MPRIP: variants seen among roughly 807,000 people sequenced by gnomAD.
MPRIP encodes the protein myosin phosphatase Rho interacting protein, also known as myosin phosphatase Rho-interacting protein.
A neutral mutation model predicts 234.9 loss-of-function variants in MPRIP; 59 were observed. The ratio of observed to expected loss-of-function variants is 0.25; its 90% CI spans 0.20 to 0.31. The LOEUF (loss-of-function observed/expected upper bound fraction) is 0.31, where lower values mean the gene tolerates loss of function less well. Ranked by LOEUF, MPRIP falls within the 10% of genes least tolerant of loss-of-function variation. The pLI is 1.00. For synonymous variants in MPRIP, 1,144 were observed against 1,263.9 expected, an observed-to-expected ratio of 0.91 and a Z score of 2.01; for missense variants, 2,436 against 3,071.0, an observed-to-expected ratio of 0.79 and a Z score of 4.89.
In MPRIP at chr17:17,167,594, G is replaced by T; in HGVS notation, c.6003G>T (p.Arg2001Ser). 1 of 1,304,268 alleles carries T rather than the reference G, an allele frequency of 7.7e-7. No individual in the cohort carries two copies. The highest frequency in any genetic ancestry group is 1.2e-5 in the South Asian group (1 of 81,026). The allele number at this position is 1,304,268 out of a possible 1,614,324, so 80.8% of individuals were successfully genotyped here. A position where few individuals can be genotyped will look rare whatever the true frequency, so the allele number is the denominator to read the frequency against. Residue 2001 changes from arginine (R) to serine (S), a missense_variant, in exon 16 of 24, where the codon AGG becomes AGT. Arg to Ser is a moderately radical substitution (Grantham distance 110, BLOSUM62 -1). Transcript: ENST00000651222. This position sits in a 1 kb window ranked among gnomAD's most constrained non-coding sequence, Gnocchi z 5.9. ...HGEQIQTLED[R>S]FQLKVRELQT... ...AGCAGATACAGACCCTGGAGGACAG[G>T]TTCCAGCTCAAGGTCCGGGAGCTGC...
rs1157063654 is a variant in MPRIP, at chr17:17,164,744, G to A, written c.3153G>A (p.Glu1051=). 7.7e-7 allele frequency: 1 copy of A among 1,303,086 alleles called. No homozygotes were observed. Among genetic ancestry groups the A allele is most frequent in the Admixed American group, 2.3e-5 (1 of 43,238 alleles). 80.7% of individuals were successfully genotyped at this position (1,303,086 alleles called of 1,614,324 possible). Residue 1051 remains glutamate (E), a synonymous_variant, in exon 16 of 24, where the codon GAG becomes GAA. Coordinates refer to ENST00000651222, the MANE Select transcript of MPRIP (RefSeq NM_001364716.4). ...TGGAAGACAAGGCCAGCGCCTATGA[G>A]GACCAGCTGCAGGGTCAGGCACAGC... ...KEVEDKASAY[E]DQLQGQAQQV...
In MPRIP at chr17:17,166,096, C is replaced by T. The variant is rs879246184; in HGVS notation, c.4505C>T (p.Ala1502Val). Residue 1502 changes from alanine (A) to valine (V), a missense_variant, in exon 16 of 24, where the codon GCA becomes GTA. Coordinates refer to ENST00000651222, the MANE Select transcript of MPRIP (RefSeq NM_001364716.4). The surrounding 1 kb of genome is among the most constrained non-coding windows in gnomAD (Gnocchi z 4.4). ...CAGGAGGATGAGCAGGACGCACGCG[C>T]AGCCTCCCTGGCCAGTGTGGAGAGT... ...ASQEDEQDAR[A>V]ASLASVESAL... 1.5e-6 allele frequency: 2 copies of T among 1,298,884 alleles called. No homozygotes were observed. Among genetic ancestry groups the T allele is most frequent in the Admixed American group, 4.6e-5 (2 of 43,230 alleles). 80.5% of individuals were successfully genotyped at this position (1,298,884 alleles called of 1,614,324 possible).
chr17:17,184,786 T>G, intron 23 of MPRIP, 37 bp from the exon 24 acceptor site: 2 of 1,517,290 alleles, frequency 1.3e-6, no homozygotes, highest in Non-Finnish European at 1.8e-6. Context: ...GGTCTAACGG[T>G]GTGTTTATTT....
chr17:17,043,513 C>T (rs2088247905), intron 1 of MPRIP, among the ~76,000 whole-genome samples: 1 of 152,162 alleles, frequency 6.6e-6, no homozygotes, highest in East Asian at 1.9e-4. Flanking sequence ...TAGCGGGGAG[C>T]TGGGACCAGT....
intron 1 of MPRIP, chr17:17,057,763 C>T: frequency 1.4e-6 from 1 of 712,238 alleles, no homozygotes. Context: ...CCCGCTGCCC[C>T]ATCCTACACC....
chr17:17,154,403 CGGATGT>C lies in MPRIP; in HGVS notation c.1819_1824del (p.Asp607_Val608del). The stretch of plus-strand genomic sequence containing the variant: ...AAGCACGTGCACCCGACCACTGCCC[CGGATGT>C]GACCAGGTAGGATGGTGAAGACACC... On this transcript the variant is annotated inframe_deletion, in exon 13 of 24. Coordinates refer to ENST00000651222, the MANE Select transcript of MPRIP (RefSeq NM_001364716.4). 1 of 1,614,064 alleles carries C rather than the reference CGGATGT, an allele frequency of 6.2e-7. No individual in the cohort carries two copies. Among genetic ancestry groups the C allele is most frequent in the Non-Finnish European group, 8.5e-7 (1 of 1,179,968 alleles).
chr17:17,139,060 G>A (rs1247766848), intron 7 of MPRIP, among the ~76,000 whole-genome samples: 1 of 152,242 alleles, frequency 6.6e-6, no homozygotes, highest in Admixed American at 6.5e-5. Flanking sequence ...TGGCTGGAGA[G>A]AGAGAAAGTT....
At position 17,158,703 on chromosome 17, in the gene MPRIP, C is replaced by T. The variant is rs779221231; in HGVS notation, c.2101C>T (p.Arg701Trp). Residue 701 changes from arginine (R) to tryptophan (W), a missense_variant, in exon 14 of 24, where the codon CGG becomes TGG. Physicochemically the swap from Arg to Trp is moderately radical, Grantham distance 101 (BLOSUM62 -3). Around this residue, in one of 4 missense-constraint regions of MPRIP, gnomAD observed 1,998 missense variants for 2,520.3 expected, o/e 0.79. Transcript: ENST00000651222. ...RPEAEPGELE[R>W]ERARRREERR... ...TGAGGCGGAGCCTGGGGAGCTGGAG[C>T]GGGAGCGTGCACGGAGGCGGGAGGA... The T allele has an allele frequency of 1.3e-5, 21 of 1,609,308 alleles. No homozygotes were observed. Among genetic ancestry groups the T allele is most frequent in the Non-Finnish European group, 1.8e-5 (21 of 1,179,332 alleles).
chr17:17,177,883 G>T (rs1343611909), intron 22 of MPRIP, among the ~76,000 whole-genome samples: 2 of 151,040 alleles, frequency 1.3e-5, no homozygotes, highest in African/African-American at 4.9e-5. Flanking sequence ...CAGGAAGGAT[G>T]AAAGAGTTAA....
chr17:17,105,342 C>T (rs2090042086), intron 3 of MPRIP, among the ~76,000 whole-genome samples: 1 of 152,208 alleles, frequency 6.6e-6, no homozygotes, highest in South Asian at 2.1e-4. Flanking sequence ...TCCTAAGAGT[C>T]CAGGGTTGCC....
At position 17,191,140 on chromosome 17, in the gene MPRIP, C is replaced by T. The variant is rs1215056861; in HGVS notation, c.*6246C>T. On this transcript the variant is annotated 3_prime_UTR_variant, in exon 24 of 24. Transcript: ENST00000651222. ...TACAATATCCAAAATAACGATAGCC[C>T]TGTATCCATACATTGTTTCATTGAA... The T allele has an allele frequency of 1.3e-5, 2 of 152,194 alleles. No homozygotes were observed. Among genetic ancestry groups the T allele is most frequent in the Non-Finnish European group, 2.9e-5 (2 of 68,024 alleles). The allele number at this position is 152,194 out of a possible 1,614,324, so 9.4% of individuals were successfully genotyped here.
At position 17,158,394 on chromosome 17, in the gene MPRIP, C is replaced by T. The variant is rs745434077; in HGVS notation, c.1830-38C>T. On this transcript the variant is annotated intron_variant, in intron 13 of 23. Transcript: ENST00000651222. The stretch of plus-strand genomic sequence containing the variant: ...TCTGCCTGGCAGGCCACACCAGAGC[C>T]GCCCCTGACAGGCTATGTCCATCCT... The T allele has an allele frequency of 1.9e-5, 29 of 1,508,864 alleles. No individual in the cohort carries two copies. The Admixed American group carries it at 2.0e-4, about 10-fold the overall frequency. 93.5% of individuals were successfully genotyped at this position (1,508,864 alleles called of 1,614,324 possible).
chr17:17,115,644 C>T (rs533025552), intron 3 of MPRIP, among the ~76,000 whole-genome samples: 1 of 152,326 alleles, frequency 6.6e-6, no homozygotes, highest in South Asian at 2.1e-4. Flanking sequence ...TTTCATCAAC[C>T]CCCAAACAAA....
chr17:17,173,901 C>T lies in MPRIP; in HGVS notation c.6591-15C>T. 1 of 1,613,176 alleles carries T rather than the reference C, an allele frequency of 6.2e-7. No homozygotes were observed. Among genetic ancestry groups the T allele is most frequent in the Non-Finnish European group, 8.5e-7 (1 of 1,179,828 alleles). On this transcript the variant is annotated splice_polypyrimidine_tract_variant and intron_variant, in intron 18 of 23. Transcript: ENST00000651222. ...CCAGAAGCAGGCAGAGGAGTGAGTG[C>T]TGCCCTCTCCCCAGGGAGGAGCTGC...
chr17:17,166,701 C>T lies in MPRIP; in HGVS notation c.5110C>T (p.His1704Tyr). 1 of 1,304,110 alleles carries T rather than the reference C, an allele frequency of 7.7e-7. No homozygotes were observed. The highest frequency in any genetic ancestry group is 1.0e-6 in the Non-Finnish European group (1 of 988,950). The allele number at this position is 1,304,110 out of a possible 1,614,324, so 80.8% of individuals were successfully genotyped here. Residue 1704 changes from histidine to tyrosine, a missense_variant, in exon 16 of 24, where the codon CAC becomes TAC. His to Tyr is a moderately conservative substitution (Grantham distance 83, BLOSUM62 2). Transcript: ENST00000651222. This position sits in a 1 kb window ranked among gnomAD's most constrained non-coding sequence, Gnocchi z 4.4. ...LRGTQTALRQHKCLLREILGA... is the reference protein window; with the variant it reads ...LRGTQTALRQYKCLLREILGA... Reference sequence around the variant, plus strand: ...GGGCACCCAGACGGCCCTGCGGCAGCACAAATGCCTGCTGAGGGAAATCCT... The same window carrying T: ...GGGCACCCAGACGGCCCTGCGGCAGTACAAATGCCTGCTGAGGGAAATCCT...
chr17:17,104,361 T>G (rs932298300), intron 3 of MPRIP, among the ~76,000 whole-genome samples: 1 of 152,230 alleles, frequency 6.6e-6, no homozygotes, highest in Non-Finnish European at 1.5e-5. Context: ...ATAGAACCTT[T>G]GGCCATGAGC....
In MPRIP at chr17:17,138,197, C is replaced by A; in HGVS notation, c.1018C>A (p.Pro340Thr). 1 of 895,208 alleles carries A rather than the reference C, an allele frequency of 1.1e-6. No individual in the cohort carries two copies. The highest frequency in any genetic ancestry group is 1.7e-6 in the Non-Finnish European group (1 of 603,332). The allele number at this position is 895,208 out of a possible 1,614,324, so 55.5% of individuals were successfully genotyped here. A position where few individuals can be genotyped will look rare whatever the true frequency, so the allele number is the denominator to read the frequency against. Residue 340 changes from proline (P) to threonine (T), a missense_variant, in exon 7 of 24, where the codon CCA becomes ACA. Coordinates refer to ENST00000651222, the MANE Select transcript of MPRIP (RefSeq NM_001364716.4). This position sits in a 1 kb window ranked among gnomAD's most constrained non-coding sequence, Gnocchi z 5.8. ...CAGCTCCCTGGATGTGGCCAGCCAG[C>A]CACCTGCCTACGTGGACTCTGGCAG... ...SLSSLDVASQ[P>T]PAYVDSGSTR...
intron 1 of MPRIP, among the ~76,000 whole-genome samples, chr17:17,061,418 A>G (rs547919686): frequency 2.0e-4 from 31 of 152,248 alleles, no homozygotes; most frequent in Non-Finnish European, 3.7e-4. Flanking sequence ...GTGTTTCCAC[A>G]GACACCTTTT....
intron 3 of MPRIP, among the ~76,000 whole-genome samples, chr17:17,090,414 A>G (rs570723786): frequency 1.3e-5 from 2 of 152,242 alleles, no homozygotes; most frequent in East Asian, 1.9e-4. Context: ...GCTGCTCCAC[A>G]AAGTCTAATA....
Sources: allele counts gnomAD v4.1 joint callset (sites outside exome capture counted in the v4.1 genomes callset), GRCh38; gene constraint gnomAD v4.1.1; regional missense constraint gnomAD v4.1.1; non-coding constraint Gnocchi (gnomAD v3.1); transcripts MANE v1.5; gene names NCBI Gene and HGNC (gene_info 2026-07-23, HGNC 2026-07-21).